XYLB: variants seen among roughly 807,000 people sequenced by gnomAD.
The protein encoded by XYLB is xylulose kinase.
A neutral mutation model predicts 78.7 loss-of-function variants in XYLB; 62 were observed. The ratio of observed to expected loss-of-function variants is 0.79; its 90% confidence interval spans 0.64 to 0.97. XYLB has a LOEUF of 0.97. Ranked by LOEUF, XYLB falls within the 50% of genes least tolerant of loss-of-function variation. The probability of loss-of-function intolerance (pLI) is 0.00; values close to 1 mark genes in which losing one functional copy is unlikely to be tolerated. For missense variants in XYLB, 687 were observed against 676.8 expected (o/e 1.02, Z -0.17); for synonymous variants, 245 against 247.4 (o/e 0.99, Z 0.09).
rs1708721513 is a variant in XYLB at position 38,414,461 on chromosome 3, A to T, written c.*1448A>T. On this transcript the variant is annotated 3_prime_UTR_variant, in exon 19 of 19. Transcript: ENST00000207870. ...ACCACCTAGACATTACTTTTTAAAG[A>T]CATTTTACATTATTGTCCAGCAGAA... 1 of 152,216 alleles carries T rather than the reference A, an allele frequency of 6.6e-6. No homozygotes were observed. Among genetic ancestry groups the T allele is most frequent in the African/African-American group, 2.4e-5 (1 of 41,458 alleles). 9.4% of individuals were successfully genotyped at this position (152,216 alleles called of 1,614,324 possible). A position where few individuals can be genotyped will look rare whatever the true frequency, so the allele number is the denominator to read the frequency against.
chr3:38,398,460 T>A (rs571226778), intron 17 of XYLB, among the ~76,000 whole-genome samples: 1 of 151,462 alleles, frequency 6.6e-6, no homozygotes, highest in South Asian at 2.1e-4. Flanking sequence ...AAAGTGAGAT[T>A]CCATCTCAAA....
intron 14 of XYLB, among the ~76,000 whole-genome samples, chr3:38,378,571 C>G (rs1200353906): frequency 1.3e-5 from 2 of 152,102 alleles, no homozygotes; most frequent in Non-Finnish European, 2.9e-5. Flanking sequence ...AGGTTGAGAC[C>G]TGAAAGTACT....
At chr3:38,358,660 G>C (rs1239558112) in intron 2 of XYLB, among the ~76,000 whole-genome samples, 1 of 152,106 alleles carries the variant, frequency 6.6e-6, no homozygotes, top group East Asian at 1.9e-4. Flanking sequence ...CCAGTTTTAA[G>C]TTGTTAAATA....
chr3:38,415,755 C>G (rs559159345), downstream of XYLB, among the ~76,000 whole-genome samples: 1 of 152,138 alleles, frequency 6.6e-6, no homozygotes, highest in Non-Finnish European at 1.5e-5. Context: ...TCACTCCAGC[C>G]TGGGCAACAG....
chr3:38,364,583 G>A (rs570148798), intron 4 of XYLB, among the ~76,000 whole-genome samples: 28 of 139,232 alleles, frequency 2.0e-4, no homozygotes, highest in African/African-American at 7.7e-4. Flanking sequence ...GGACTTGCCT[G>A]GCGCCCCTCA....
intron 5 of XYLB, 33 bp from the exon 6 acceptor site, chr3:38,365,575 A>G (rs1283708850): frequency 3.2e-6 from 5 of 1,582,306 alleles, no homozygotes; most frequent in South Asian, 1.1e-5. Context: ...CAGCGGATGG[A>G]GCTTAAGCCT....
chr3:38,354,943 CAT>C (rs1448997196), intron 2 of XYLB, among the ~76,000 whole-genome samples: 7 of 152,198 alleles, frequency 4.6e-5, no homozygotes, highest in Non-Finnish European at 1.0e-4. Context: ...GAATACTTCA[CAT>C]GTGTTTTAAT....
chr3:38,346,964 T>TC, intron 1 of XYLB, 39 bp downstream of exon 1: 1 of 1,417,404 alleles, frequency 7.1e-7, no homozygotes, highest in South Asian at 1.5e-5. Context: ...GGCCGCCTCC[T>TC]CCGCTTCGGT....
At chr3:38,368,429 C>T (rs1038184780) in intron 8 of XYLB, among the ~76,000 whole-genome samples, 172 bp downstream of exon 8, 14 of 152,258 alleles carry the variant, frequency 9.2e-5, no homozygotes, top group Middle Eastern at 3.4e-3. Flanking sequence ...ATGACCCCAA[C>T]ACTTAGCAGC....
chr3:38,415,691 G>A (rs772957709), downstream of XYLB, among the ~76,000 whole-genome samples: 4 of 152,156 alleles, frequency 2.6e-5, no homozygotes, highest in African/African-American at 4.8e-5. Flanking sequence ...GCTGAGGCAC[G>A]AGAATTGCTT....
At chr3:38,385,623 T>G (rs1317980661) in intron 15 of XYLB, among the ~76,000 whole-genome samples, 1 of 152,258 alleles carries the variant, frequency 6.6e-6, no homozygotes, top group African/African-American at 2.4e-5. Context: ...TTTTCATCTT[T>G]TTCTGCATCA....
chr3:38,394,283 A>G (rs1319699180), intron 15 of XYLB, among the ~76,000 whole-genome samples: 1 of 152,156 alleles, frequency 6.6e-6, no homozygotes, highest in African/African-American at 2.4e-5. Flanking sequence ...TCTACCTTAC[A>G]TTTCTGGTTG....
At chr3:38,373,632 G>C (rs936830299) in intron 10 of XYLB, among the ~76,000 whole-genome samples, 2 of 152,148 alleles carry the variant, frequency 1.3e-5, no homozygotes, top group African/African-American at 4.8e-5. Context: ...ATTCGGTCTC[G>C]TCTCTTTGTT....
Position 38,409,599 on chromosome 3 carries a change from C to T in XYLB, c.1534-3337C>T, listed in dbSNP as rs554597627. The stretch of plus-strand genomic sequence containing the variant: ...TTAGGAAAAGAGGAAGTCAAATTGT[C>T]CCTGTTTGCAGATGACATGATTGTA... On this transcript the variant is annotated intron_variant, in intron 18 of 18. Transcript: ENST00000207870. Among the ~76,000 whole-genome samples the T allele has an allele frequency of 5.3e-5, 8 of 152,266 alleles. No homozygotes were observed. The South Asian group carries it at 6.2e-4, about 12-fold the overall frequency.
At chr3:38,376,009 TG>T in intron 12 of XYLB, 107 bp from the exon 13 acceptor site, 1 of 767,364 alleles carries the variant, frequency 1.3e-6, no homozygotes, top group Non-Finnish European at 2.3e-6. Flanking sequence ...CTAGGGGTCG[TG>T]GTCCAGCCTG....
At chr3:38,416,402 A>G (rs1191647946), downstream of XYLB, among the ~76,000 whole-genome samples, 4 of 152,232 alleles carry the variant, frequency 2.6e-5, no homozygotes, top group Non-Finnish European at 4.4e-5. Context: ...TAAATCATCA[A>G]TGCTCAAAGA....
chr3:38,374,403 T>C (rs1037695670), intron 10 of XYLB, 59 bp from the exon 11 acceptor site: 11 of 1,613,158 alleles, frequency 6.8e-6, no homozygotes, highest in Non-Finnish European at 8.5e-6. Context: ...AGCCCTGTGG[T>C]TTGCTTTGTG....
intron 18 of XYLB, among the ~76,000 whole-genome samples, chr3:38,407,698 A>G (rs1416257903): frequency 2.6e-5 from 4 of 151,966 alleles, no homozygotes; most frequent in Admixed American, 2.0e-4. Flanking sequence ...GATCTACCAA[A>G]CAAATGGAAA....
rs1705085198 is a variant in XYLB, at chr3:38,346,847, G to T, written c.-22G>T. The T allele has an allele frequency of 6.7e-7, 1 of 1,501,050 alleles. No homozygotes were observed. The highest frequency in any genetic ancestry group is 8.9e-7 in the Non-Finnish European group (1 of 1,126,412). The allele number at this position is 1,501,050 out of a possible 1,614,324, so 93.0% of individuals were successfully genotyped here. A position where few individuals can be genotyped will look rare whatever the true frequency, so the allele number is the denominator to read the frequency against. On this transcript the variant is annotated 5_prime_UTR_variant, in exon 1 of 19. Transcript: ENST00000207870. ...GTGGCGGACGGACGGACTGACGGAC[G>T]CGCAGCCTTACCCGAAAGGCCATGG...
Sources: allele counts gnomAD v4.1 joint callset (sites outside exome capture counted in the v4.1 genomes callset), GRCh38; gene constraint gnomAD v4.1.1; transcripts MANE v1.5; gene names NCBI Gene and HGNC (gene_info 2026-07-23, HGNC 2026-07-21).